Variants in LAPTM4A observed in about 807,000 individuals in gnomAD.
LAPTM4A encodes lysosomal protein transmembrane 4 alpha.
Under a neutral mutation model 29.9 loss-of-function variants are expected in LAPTM4A, and 19 were observed. The ratio of observed to expected loss-of-function variants is 0.64; its 90% CI spans 0.44 to 0.93. The LOEUF (loss-of-function observed/expected upper bound fraction) is 0.93. LAPTM4A is among the 40% of genes least tolerant of loss of function. LAPTM4A has a pLI of 0.00. For missense variants in LAPTM4A, 293 were observed against 288.5 expected (o/e 1.02, Z -0.11); for synonymous variants, 105 against 102.1 (o/e 1.03, Z -0.17).
chr2:20,043,696 T>C (rs1272931793), intron 1 of LAPTM4A, among the ~76,000 whole-genome samples: 1 of 152,222 alleles, frequency 6.6e-6, no homozygotes, highest in Non-Finnish European at 1.5e-5. Flanking sequence ...CAATATGAAA[T>C]TTGGAATCAA....
chr2:20,035,288 A>G (rs1673657027), intron 4 of LAPTM4A: 1 of 481,304 alleles, frequency 2.1e-6, no homozygotes, highest in Non-Finnish European at 3.8e-6. Context: ...AATGCTCCAA[A>G]AAGTCTAAAT....
At chr2:20,049,870 T>G (rs1356550968) in intron 1 of LAPTM4A, among the ~76,000 whole-genome samples, 1 of 152,116 alleles carries the variant, frequency 6.6e-6, no homozygotes, top group African/African-American at 2.4e-5. Context: ...AAGGTTTGAA[T>G]TATTCATTTA....
At chr2:20,049,413 T>C (rs573696104) in intron 1 of LAPTM4A, among the ~76,000 whole-genome samples, 56 of 152,306 alleles carry the variant, frequency 3.7e-4, no homozygotes, top group African/African-American at 1.0e-3. Context: ...TAAAGCATGG[T>C]CTTCAGAGGT....
chr2:20,048,088 C>T (rs1673974334), intron 1 of LAPTM4A, among the ~76,000 whole-genome samples: 1 of 152,162 alleles, frequency 6.6e-6, no homozygotes, highest in Admixed American at 6.5e-5. Context: ...ATGGTTGAGA[C>T]ACTCATGAAA....
intron 1 of LAPTM4A, among the ~76,000 whole-genome samples, chr2:20,050,409 A>G (rs1674027648): frequency 6.6e-6 from 1 of 152,240 alleles, no homozygotes; most frequent in African/African-American, 2.4e-5. Context: ...AAAACTGCAC[A>G]GTATCACCAA....
Position 20,034,413 on chromosome 2 carries a change from A to T in LAPTM4A, c.531T>A (p.Ala177=). 1 of 1,606,368 alleles carries T rather than the reference A, an allele frequency of 6.2e-7. No homozygotes were observed. Among genetic ancestry groups the T allele is most frequent in the Non-Finnish European group, 8.5e-7 (1 of 1,172,878 alleles). The change falls in exon 6 of 7, where the codon GCT becomes GCA. Residue 177 remains alanine (A), a splice_region_variant and synonymous_variant. Coordinates refer to ENST00000175091, the MANE Select transcript of LAPTM4A (RefSeq NM_014713.5). ...VFFALFIIFK[A]YLINCVWNCY... is the part of the protein sequence containing the mutation. The stretch of plus-strand genomic sequence containing the variant: ...AGTTCCAAACACAGTTAATTAGATA[A>T]GCCTGGAAGAATAAAAACAAAGTTG...
intron 4 of LAPTM4A, among the ~76,000 whole-genome samples, chr2:20,035,973 C>T (rs1421122684): frequency 1.3e-5 from 2 of 152,142 alleles, no homozygotes; most frequent in African/African-American, 4.8e-5. Flanking sequence ...ACACACTACT[C>T]CCCAAACCCC....
Position 20,051,607 on chromosome 2 carries a change from C to T in LAPTM4A, c.-87G>A. 1.2e-6 allele frequency: 1 copy of T among 847,400 alleles called. No individual in the cohort carries two copies. Among genetic ancestry groups the T allele is most frequent in the East Asian group, 2.7e-5 (1 of 36,446 alleles). 52.5% of individuals were successfully genotyped at this position (847,400 alleles called of 1,614,324 possible). On this transcript the variant is annotated 5_prime_UTR_variant, in exon 1 of 7. Transcript: ENST00000175091. ...ACTCAAACGGCTGTTTCACGGCCTC[C>T]AAAACCCAACGACGCGTCTTCAAAC...
chr2:20,048,482 T>C (rs149086963), intron 1 of LAPTM4A, among the ~76,000 whole-genome samples: 185 of 152,350 alleles, frequency 1.2e-3, no homozygotes, highest in African/African-American at 4.1e-3. Flanking sequence ...CACTATTTTG[T>C]ACCATACAAT....
rs529320399 is a variant in LAPTM4A, at chr2:20,034,236, G to A, written c.627+81C>T. ...CCAAACCATAGGTTACAGCATGAAA[G>A]AGAAAGTCAAGCTCCAGGTTCTTCT... On this transcript the variant is annotated intron_variant, in intron 6 of 6. Coordinates refer to ENST00000175091, the MANE Select transcript of LAPTM4A (RefSeq NM_014713.5). 7.7e-4 allele frequency: 737 copies of A among 958,038 alleles called. 2 individuals carry two copies. The highest frequency in any genetic ancestry group is 2.1e-3 in the Admixed American group (125 of 58,254). 59.3% of individuals were successfully genotyped at this position (958,038 alleles called of 1,614,324 possible).
Position 20,041,015 on chromosome 2 carries a change from GA to G in LAPTM4A, c.112-5del. ...TTGCCATCAATAGGTTTACTACCTG[GA>G]AAAGATAACATTCTATCAGTTACAT... On this transcript the variant is annotated splice_polypyrimidine_tract_variant and splice_region_variant and intron_variant, in intron 1 of 6. Coordinates refer to ENST00000175091, the MANE Select transcript of LAPTM4A (RefSeq NM_014713.5). The G allele has an allele frequency of 6.2e-7, 1 of 1,613,546 alleles. No individual in the cohort carries two copies. The highest frequency in any genetic ancestry group is 8.5e-7 in the Non-Finnish European group (1 of 1,179,662).
intron 4 of LAPTM4A, 104 bp downstream of exon 4, chr2:20,037,212 A>G: frequency 1.1e-6 from 1 of 932,276 alleles, no homozygotes; most frequent in Admixed American, 2.7e-5. Context: ...TTTCAAAAGC[A>G]AGCGGAGTAG....
intron 1 of LAPTM4A, among the ~76,000 whole-genome samples, chr2:20,042,041 G>A (rs1439286483): frequency 6.6e-6 from 1 of 152,160 alleles, no homozygotes. Flanking sequence ...TTAAAATGAG[G>A]TAAAGTCACC....
chr2:20,044,593 T>TA (rs1349433606), intron 1 of LAPTM4A, among the ~76,000 whole-genome samples: 1 of 152,156 alleles, frequency 6.6e-6, no homozygotes. Context: ...GTCTGTCTCT[T>TA]AAAAAACAAA....
chr2:20,037,636 T>C lies in LAPTM4A; in HGVS notation c.233-22A>G, dbSNP rs767580203. 2.7e-6 allele frequency: 4 copies of C among 1,508,326 alleles called. No homozygotes were observed. In the Admixed American group the frequency reaches 5.6e-5, roughly 21 times the overall value. 93.4% of individuals were successfully genotyped at this position (1,508,326 alleles called of 1,614,324 possible). ...TTATCTAAGAAAACAAAAACAAAAA[T>C]CTAATTAAGCTACTTACACAACAAA... is the stretch of plus-strand genomic sequence containing the variant. On this transcript the variant is annotated intron_variant, in intron 2 of 6. Coordinates refer to ENST00000175091, the MANE Select transcript of LAPTM4A (RefSeq NM_014713.5).
chr2:20,045,188 C>T (rs1673892164), intron 1 of LAPTM4A, among the ~76,000 whole-genome samples: 1 of 152,180 alleles, frequency 6.6e-6, no homozygotes, highest in South Asian at 2.1e-4. Flanking sequence ...TGTAATCTTA[C>T]AATACAAAAT....
rs1804065 is a variant in LAPTM4A, at chr2:20,032,875, G to A, written c.*330C>T. On this transcript the variant is annotated 3_prime_UTR_variant, in exon 7 of 7. Transcript: ENST00000175091. ...GGGTAGCAAGTAACAAAATGCAAAC[G>A]ATTATATAAAGAAAGTGCAGTTAAA... The A allele has an allele frequency of 2.4e-3, 643 of 267,134 alleles. 3 individuals are homozygous for A. Among genetic ancestry groups the A allele is most frequent in the African/African-American group, 0.013 (611 of 45,670 alleles). The allele number at this position is 267,134 out of a possible 1,614,324, so 16.5% of individuals were successfully genotyped here. A position where few individuals can be genotyped will look rare whatever the true frequency, so the allele number is the denominator to read the frequency against.
intron 4 of LAPTM4A, 62 bp downstream of exon 4, chr2:20,037,254 T>G: frequency 4.3e-6 from 6 of 1,385,780 alleles, no homozygotes; most frequent in Non-Finnish European, 5.9e-6. Flanking sequence ...GATTCAGAAT[T>G]TAAATGTAAA....
At chr2:20,051,335 C>G in intron 1 of LAPTM4A, 75 bp downstream of exon 1, 18 of 507,322 alleles carry the variant, frequency 3.5e-5, no homozygotes, top group East Asian at 6.4e-5. Flanking sequence ...CACCCCGTTT[C>G]CAGTCTCACC....
Sources: allele counts gnomAD v4.1 joint callset (sites outside exome capture counted in the v4.1 genomes callset), GRCh38; gene constraint gnomAD v4.1.1; transcripts MANE v1.5; gene names NCBI Gene and HGNC (gene_info 2026-07-23, HGNC 2026-07-21).